TAFA2: variants seen among roughly 807,000 people sequenced by gnomAD.
TAFA2 encodes TAFA chemokine like family member 2.
A neutral mutation model predicts 18.8 loss-of-function variants in TAFA2; 7 were observed. That is an observed-to-expected ratio of 0.37 (90% CI 0.21 to 0.70). TAFA2 has a LOEUF of 0.70. Among genes scored for constraint, TAFA2 ranks in the 30% least tolerant of loss-of-function variants. The pLI is 0.53. For missense variants in TAFA2, 122 were observed against 158.1 expected, an observed-to-expected ratio of 0.77 and a Z score of 1.23; for synonymous variants, 60 against 54.2, an observed-to-expected ratio of 1.11 and a Z score of -0.47.
chr12:62,153,116 G>A (rs991589719), intron 1 of TAFA2, among the ~76,000 whole-genome samples: 4 of 152,168 alleles, frequency 2.6e-5, no homozygotes, highest in Non-Finnish European at 4.4e-5. Flanking sequence ...CAAGTTGAAA[G>A]CAGAAGGTCC....
Position 61,910,100 on chromosome 12 carries a change from TTGTGTGTGTGTG to T in TAFA2, c.-1-42686_-1-42675del, listed in dbSNP as rs71083963. Among the ~76,000 whole-genome samples the T allele has an allele frequency of 3.1e-3, 443 of 144,894 alleles. 1 individual carries two copies. Among genetic ancestry groups the T allele is most frequent in the African/African-American group, 9.0e-3 (346 of 38,236 alleles). On this transcript the variant is annotated intron_variant, in intron 1 of 4. Coordinates refer to ENST00000416284, the MANE Select transcript of TAFA2 (RefSeq NM_178539.5). ...TGCGTGCTTGTGTGTGTGTGTGTGT[TTGTGTGTGTGTG>T]TGTGTGTGTGTGTGTGTGTGTGTTT...
intron 1 of TAFA2, among the ~76,000 whole-genome samples, chr12:62,118,751 G>A (rs1311462578): frequency 6.6e-6 from 1 of 151,954 alleles, no homozygotes; most frequent in Non-Finnish European, 1.5e-5. Context: ...CTCTTCATAT[G>A]TTTGTTAGTC....
chr12:62,083,189 C>A (rs947299545), intron 1 of TAFA2, among the ~76,000 whole-genome samples: 1 of 151,394 alleles, frequency 6.6e-6, no homozygotes, highest in African/African-American at 2.4e-5. Flanking sequence ...GGATTATGAA[C>A]TGAAGGAGAA....
At chr12:62,076,628 T>C (rs1197221614) in intron 1 of TAFA2, among the ~76,000 whole-genome samples, 3 of 152,156 alleles carry the variant, frequency 2.0e-5, no homozygotes, top group Non-Finnish European at 4.4e-5. Context: ...AGGAGCATTC[T>C]TCACCCTGTC....
chr12:61,934,213 A>T (rs1877673582), intron 1 of TAFA2, among the ~76,000 whole-genome samples: 1 of 152,174 alleles, frequency 6.6e-6, no homozygotes, highest in South Asian at 2.1e-4. Flanking sequence ...TCAGATAAAT[A>T]CTGTTCTCCA....
intron 1 of TAFA2, among the ~76,000 whole-genome samples, chr12:62,062,826 C>T (rs1882386933): frequency 6.6e-6 from 1 of 152,150 alleles, no homozygotes; most frequent in Admixed American, 6.5e-5. Context: ...CATTTTCCTG[C>T]TGGCCCTAAG....
chr12:61,812,735 A>C (rs1871925888), intron 2 of TAFA2, among the ~76,000 whole-genome samples: 1 of 150,892 alleles, frequency 6.6e-6, no homozygotes, highest in East Asian at 1.9e-4. Flanking sequence ...ACGCCCGGAT[A>C]ACTTTTGTAT....
intron 1 of TAFA2, among the ~76,000 whole-genome samples, chr12:62,236,267 T>C (rs1177563948): frequency 1.5e-5 from 2 of 132,318 alleles, no homozygotes; most frequent in Non-Finnish European, 3.2e-5. Context: ...TTTTCTTTTT[T>C]TTTTCTTTTT....
chr12:61,891,390 T>C (rs1311843623), intron 1 of TAFA2, among the ~76,000 whole-genome samples: 1 of 152,192 alleles, frequency 6.6e-6, no homozygotes, highest in African/African-American at 2.4e-5. Flanking sequence ...CTCATGCCTG[T>C]AATCCCAACA....
chr12:62,145,628 T>A (rs1204801076), intron 1 of TAFA2: 1 of 152,232 alleles, frequency 6.6e-6, no homozygotes, highest in Non-Finnish European at 1.5e-5. Context: ...CTCCTCCCTG[T>A]TCGGAGCCTC....
At chr12:62,157,040 A>C (rs887202743) in intron 1 of TAFA2, among the ~76,000 whole-genome samples, 2 of 152,124 alleles carry the variant, frequency 1.3e-5, no homozygotes, top group Non-Finnish European at 2.9e-5. Context: ...ATGCCCTTAG[A>C]CCTCATTTGC....
In TAFA2 at chr12:61,868,410, A is replaced by T. The variant is rs182842861; in HGVS notation, c.-1-984T>A. On this transcript the variant is annotated intron_variant, in intron 1 of 4. Transcript: ENST00000416284. Reference sequence around the variant, plus strand: ...CATTTATTTATGAGGGCGATTAAATATATGTCTGTCACCCTGTGACTTTCC... The same window carrying T: ...CATTTATTTATGAGGGCGATTAAATTTATGTCTGTCACCCTGTGACTTTCC... Among the ~76,000 whole-genome samples, 262 of 152,326 alleles carry T rather than the reference A, an allele frequency of 1.7e-3. 4 individuals carry two copies. In the South Asian group the frequency reaches 0.019, roughly 11 times the overall value.
intron 1 of TAFA2, among the ~76,000 whole-genome samples, chr12:62,204,269 A>AT (rs1248810178): frequency 6.6e-6 from 1 of 151,692 alleles, no homozygotes; most frequent in Non-Finnish European, 1.5e-5. Context: ...TGCCCTTAAC[A>AT]TTTTTTCCTT....
intron 4 of TAFA2, among the ~76,000 whole-genome samples, chr12:61,745,870 T>C (rs375146490): frequency 6.6e-6 from 1 of 151,642 alleles, no homozygotes; most frequent in East Asian, 1.9e-4. Flanking sequence ...ACAAGAGAAA[T>C]GCAGTGGAAG....
At chr12:61,980,496 A>C (rs1383637129) in intron 1 of TAFA2, among the ~76,000 whole-genome samples, 4 of 152,196 alleles carry the variant, frequency 2.6e-5, no homozygotes, top group Non-Finnish European at 5.9e-5. Context: ...GTATTCAATT[A>C]GGAAATGAGG....
chr12:62,207,304 A>G (rs1324192662), intron 1 of TAFA2: 1 of 152,238 alleles, frequency 6.6e-6, no homozygotes, highest in Non-Finnish European at 1.5e-5. Flanking sequence ...AAGATTAGGG[A>G]AAAATATATG....
chr12:62,239,303 C>A lies in TAFA2; in HGVS notation c.-130+19460G>T, dbSNP rs377611631. ...AGTGCTGTTCATTCTTGGTTCACAT[C>A]TTTTTCTTGATGTATTCTTCCTAAG... On this transcript the variant is annotated intron_variant, in intron 1 of 5. Transcript: ENST00000551619. Among the ~76,000 whole-genome samples the A allele has an allele frequency of 6.6e-5, 10 of 152,316 alleles. No homozygotes were observed. The East Asian group carries it at 1.3e-3, about 21-fold the overall frequency.
In TAFA2 at chr12:61,988,171, T is replaced by C. The variant is rs1879880739; in HGVS notation, c.-1-120745A>G. On this transcript the variant is annotated intron_variant, in intron 1 of 4. Transcript: ENST00000416284. ...TACTTCACGGGTGTCAATGGGAGGA[T>C]GCCTTTCTCATGAGGGAGATGTTTA... 2.0e-5 allele frequency among the ~76,000 whole-genome samples: 3 copies of C among 152,118 alleles called. No individual in the cohort carries two copies. In the South Asian group the frequency reaches 6.2e-4, roughly 32 times the overall value.
At chr12:61,999,605 T>C (rs184030708) in intron 1 of TAFA2, among the ~76,000 whole-genome samples, 27 of 152,310 alleles carry the variant, frequency 1.8e-4, no homozygotes, top group African/African-American at 6.5e-4. Context: ...AGAGAACAAT[T>C]TGAAACTCCC....
Sources: gnomAD v4.1 joint callset for allele counts (sites outside exome capture counted in the v4.1 genomes callset) on GRCh38, gnomAD v4.1.1 for gene constraint, MANE v1.5 for transcripts, NCBI Gene and HGNC (gene_info 2026-07-23, HGNC 2026-07-21) for gene names.